Variants in MMEL1 observed in about 807,000 individuals in gnomAD.
MMEL1 encodes membrane metallo-endopeptidase-like 1.
Under a neutral mutation model 117.1 loss-of-function variants are expected in MMEL1, and 98 were observed. The ratio of observed to expected loss-of-function variants is 0.84; its 90% CI spans 0.71 to 0.99. The LOEUF is 0.99. Ranked by LOEUF, MMEL1 falls within the 50% of genes least tolerant of loss-of-function variation. MMEL1 has a pLI of 0.00. For synonymous variants in MMEL1, 390 were observed against 415.1 expected (o/e 0.94, Z 0.74); for missense variants, 1,014 against 1,049.1 (o/e 0.97, Z 0.46).
chr1:2,611,245 TG>T, intron 4 of MMEL1, 35 bp downstream of exon 4: 1 of 1,553,466 alleles, frequency 6.4e-7, no homozygotes, highest in Non-Finnish European at 8.7e-7. Context: ...CCCCAGCCCT[TG>T]GGCAGGCTGT....
chr1:2,632,196 G>A (rs1570729912), intron 1 of MMEL1, among the ~76,000 whole-genome samples: 1 of 141,004 alleles, frequency 7.1e-6, no homozygotes, highest in Non-Finnish European at 1.5e-5. Context: ...GGGAGCCCCA[G>A]CCCCTCCCCT....
Position 2,606,432 on chromosome 1 carries a change from G to A in MMEL1, c.632-66C>T, listed in dbSNP as rs1324204914. On this transcript the variant is annotated intron_variant, in intron 7 of 23. Transcript: ENST00000378412. ...GGGGCCCCAGCCCGGCCCCTTGTCG[G>A]TGAATCTGGCCTCCGGAGCCAGGAA... 8.7e-6 allele frequency: 11 copies of A among 1,268,786 alleles called. No homozygotes were observed. The East Asian group carries it at 2.4e-4, about 28-fold the overall frequency. The allele number at this position is 1,268,786 out of a possible 1,614,324, so 78.6% of individuals were successfully genotyped here. A position where few individuals can be genotyped will look rare whatever the true frequency, so the allele number is the denominator to read the frequency against.
chr1:2,592,187 C>A (rs1644731262), intron 21 of MMEL1, among the ~76,000 whole-genome samples, 160 bp from the exon 22 acceptor site: 1 of 150,104 alleles, frequency 6.7e-6, no homozygotes, highest in Admixed American at 6.6e-5. Flanking sequence ...GCGCTCACCA[C>A]CTCAGTCACT....
chr1:2,592,074 T>C (rs1197102067), intron 21 of MMEL1, 47 bp from the exon 22 acceptor site: 2 of 1,496,040 alleles, frequency 1.3e-6, no homozygotes, highest in Admixed American at 3.4e-5. Flanking sequence ...CAGCCTGGAC[T>C]CCAGAACCCT....
chr1:2,609,257 G>T, intron 6 of MMEL1, 82 bp downstream of exon 6: 2 of 1,384,624 alleles, frequency 1.4e-6, no homozygotes, highest in Non-Finnish European at 2.0e-6. Flanking sequence ...CAGCCATGGG[G>T]TCCTGGGGCT....
chr1:2,629,621 G>T, intron 1 of MMEL1, 100 bp from the exon 2 acceptor site: 1 of 1,123,068 alleles, frequency 8.9e-7, no homozygotes, highest in Non-Finnish European at 1.2e-6. Flanking sequence ...CGGGCGCTGG[G>T]TGCCTTTGGA....
intron 2 of MMEL1, among the ~76,000 whole-genome samples, chr1:2,617,882 T>C (rs1001440148): frequency 1.3e-5 from 2 of 152,234 alleles, no homozygotes; most frequent in African/African-American, 4.8e-5. Context: ...ATTTTTCTTT[T>C]TCATAATTCC....
chr1:2,608,220 G>A (rs146788258), intron 6 of MMEL1, among the ~76,000 whole-genome samples: 2,099 of 152,154 alleles, frequency 0.014, 23 homozygotes, highest in Admixed American at 0.024. Flanking sequence ...ACAGTCAGGC[G>A]GAGGCTCCAC....
intron 19 of MMEL1, 56 bp from the exon 20 acceptor site, chr1:2,593,022 C>A: frequency 2.5e-6 from 4 of 1,587,806 alleles, no homozygotes; most frequent in Non-Finnish European, 3.4e-6. Flanking sequence ...TGTGCCTGGC[C>A]CCACGGCAGC....
At position 2,592,889 on chromosome 1, in the gene MMEL1, C is replaced by T. The variant is rs1303896661; in HGVS notation, c.1945G>A (p.Glu649Lys). 1 of 1,613,724 alleles carries T rather than the reference C, an allele frequency of 6.2e-7. No homozygotes were observed. Among genetic ancestry groups the T allele is most frequent in the African/African-American group, 1.3e-5 (1 of 74,896 alleles). Residue 649 changes from glutamate (E) to lysine (K), a missense_variant, in exon 20 of 24, where the codon GAG becomes AAG. Glu to Lys is a moderately conservative substitution (Grantham distance 56). Transcript: ENST00000378412. ...TTGCCGTACTGGTAGATCATGCACT[C>T]TGACTGCTCCCGGAAGTGCTGGGTG... ...FSTQHFREQSECMIYQYGNYS... is the reference protein window; with the variant it reads ...FSTQHFREQSKCMIYQYGNYS...
Position 2,592,669 on chromosome 1 carries a change from G to C in MMEL1, c.2053C>G (p.Arg685Gly). 6.4e-7 allele frequency: 1 copy of C among 1,558,864 alleles called. No individual in the cohort carries two copies. The highest frequency in any genetic ancestry group is 8.7e-7 in the Non-Finnish European group (1 of 1,151,118). Residue 685 changes from arginine (R) to glycine (G), a missense_variant, in exon 21 of 24, where the codon CGG becomes GGG. Transcript: ENST00000378412. ...CCAGGCCCCACCTTATAGGCTTGCC[G>C]CACCCCTCCGTTGTCAGCAATGTTT... is the stretch of plus-strand genomic sequence containing the variant. ...GENIADNGGVRQAYKAYLKWM... is the reference protein window; with the variant it reads ...GENIADNGGVGQAYKAYLKWM...
chr1:2,616,495 C>T (rs1186890422), intron 2 of MMEL1, among the ~76,000 whole-genome samples: 1 of 152,086 alleles, frequency 6.6e-6, no homozygotes, highest in Non-Finnish European at 1.5e-5. Flanking sequence ...AATACATTAT[C>T]AGCTTATAAT....
intron 3 of MMEL1, among the ~76,000 whole-genome samples, chr1:2,611,562 C>T (rs543893626): frequency 1.3e-5 from 2 of 152,296 alleles, no homozygotes; most frequent in African/African-American, 4.8e-5. Flanking sequence ...TGGCCCTCCA[C>T]CCCATCTTCC....
chr1:2,593,076 T>C, intron 19 of MMEL1, 110 bp from the exon 20 acceptor site: 1 of 1,389,222 alleles, frequency 7.2e-7, no homozygotes. Context: ...CCAGCCCCAG[T>C]ACGGAGAGCC....
chr1:2,592,839 T>G lies in MMEL1; in HGVS notation c.1995A>C (p.Glu665Asp), dbSNP rs1173702493. 1 of 1,613,502 alleles carries G rather than the reference T, an allele frequency of 6.2e-7. No homozygotes were observed. ...YGNYSWDLAD[E>D]QNVNGFNTLG... The stretch of plus-strand genomic sequence containing the variant: ...TGCTGGTGGCAGCGCTCACGTTCTG[T>G]TCGTCTGCCAGGTCCCAGGAGTAGT... The change falls in exon 20 of 24, where the codon GAA (glutamate) becomes GAC (aspartate). Residue 665 changes from glutamate to aspartate, a missense_variant. Physicochemically the swap from Glu to Asp is conservative, Grantham distance 45. Coordinates refer to ENST00000378412, the MANE Select transcript of MMEL1 (RefSeq NM_033467.4).
intron 23 of MMEL1, 45 bp downstream of exon 23, chr1:2,591,512 A>C: frequency 2.7e-6 from 4 of 1,475,912 alleles, no homozygotes; most frequent in Non-Finnish European, 3.8e-6. Context: ...GGTGGGGGTG[A>C]GGGGGTTGTG....
rs896679970 is a variant in MMEL1, at chr1:2,606,253, T to C, written c.745A>G (p.Ile249Val). 3.1e-6 allele frequency: 5 copies of C among 1,612,964 alleles called. No individual in the cohort carries two copies. Among genetic ancestry groups the C allele is most frequent in the African/African-American group, 1.3e-5 (1 of 74,912 alleles). The change falls in exon 8 of 24, where the codon ATC (isoleucine) becomes GTC (valine). Residue 249 changes from isoleucine (I) to valine (V), a missense_variant. Transcript: ENST00000378412. Reference sequence around the variant, plus strand: ...CCCACCGGCGCGGCTCGTACGTAGATGATGTGCCGGCTGGAGTTCTGGTCG... The same window carrying C: ...CCCACCGGCGCGGCTCGTACGTAGACGATGTGCCGGCTGGAGTTCTGGTCG... ...NDDQNSSRHI[I>V]YIDQPTLGMP...
chr1:2,616,749 T>C (rs896299961), intron 2 of MMEL1, among the ~76,000 whole-genome samples: 1 of 152,218 alleles, frequency 6.6e-6, no homozygotes, highest in African/African-American at 2.4e-5. Context: ...TCTGATTCAT[T>C]TGTTTCCCAT....
chr1:2,609,661 C>T lies in MMEL1; in HGVS notation c.454+9G>A. 1 of 1,603,320 alleles carries T rather than the reference C, an allele frequency of 6.2e-7. No homozygotes were observed. Among genetic ancestry groups the T allele is most frequent in the South Asian group, 1.1e-5 (1 of 89,406 alleles). ...TCACCCCACTGCACCCCCGGCCGTG[C>T]TCTGCCACCTTTGAGGATGACCTCC... On this transcript the variant is annotated intron_variant, in intron 5 of 23. Transcript: ENST00000378412.
Sources: allele counts gnomAD v4.1 joint callset (sites outside exome capture counted in the v4.1 genomes callset), GRCh38; gene constraint gnomAD v4.1.1; transcripts MANE v1.5; gene names NCBI Gene and HGNC (gene_info 2026-07-23, HGNC 2026-07-21).